SAP130: variants seen among roughly 807,000 people sequenced by gnomAD.
SAP130 encodes Sin3A associated protein 130, also known as histone deacetylase complex subunit SAP130.
Under a neutral mutation model 103.2 loss-of-function variants are expected in SAP130, and 16 were observed. The observed-to-expected ratio is 0.16, with a 90% CI of 0.10 to 0.24. SAP130 has a LOEUF of 0.24. Among genes scored for constraint, SAP130 ranks in the 10% least tolerant of loss-of-function variants. The pLI is 1.00. For missense variants in SAP130, 990 were observed against 1,359.7 expected, an observed-to-expected ratio of 0.73 and a Z score of 4.28; for synonymous variants, 477 against 497.0, an observed-to-expected ratio of 0.96 and a Z score of 0.53.
At chr2:128,014,998 G>C (rs928860263) in intron 4 of SAP130, 84 bp from the exon 5 acceptor site, 26 of 1,112,930 alleles carry the variant, frequency 2.3e-5, no homozygotes, top group Middle Eastern at 2.0e-4. Flanking sequence ...CCAAATGTGG[G>C]TCAGGTTGTT....
At chr2:128,019,277 T>A (rs1002371723) in intron 2 of SAP130, among the ~76,000 whole-genome samples, 14 of 150,838 alleles carry the variant, frequency 9.3e-5, no homozygotes, top group Admixed American at 4.6e-4. Context: ...TTAAAAAAAA[T>A]TTTTTTTTTG....
Position 127,996,998 on chromosome 2 carries a change from T to A in SAP130, c.1214-507A>T, listed in dbSNP as rs894629745. ...AAAAAACCTTGGATTCTACTCCAGG[T>A]CCATAATTATAAAATGTAGCTAATT... On this transcript the variant is annotated intron_variant, in intron 10 of 20. Coordinates refer to ENST00000643581, the MANE Select transcript of SAP130 (RefSeq NM_001330301.2). This position sits in a 1 kb window ranked among gnomAD's most constrained non-coding sequence, Gnocchi z 4.3. Among the ~76,000 whole-genome samples, 3 of 152,174 alleles carry A rather than the reference T, an allele frequency of 2.0e-5. No individual in the cohort carries two copies. Among genetic ancestry groups the A allele is most frequent in the African/African-American group, 7.2e-5 (3 of 41,442 alleles).
At chr2:127,965,608 G>A (rs1296800888) in intron 15 of SAP130, among the ~76,000 whole-genome samples, 4 of 152,024 alleles carry the variant, frequency 2.6e-5, no homozygotes, top group Non-Finnish European at 5.9e-5. Flanking sequence ...TAACCAATAT[G>A]GGAAAACCCT....
At position 128,011,049 on chromosome 2, in the gene SAP130, T is replaced by C. The variant is rs149988404; in HGVS notation, c.745-656A>G. On this transcript the variant is annotated intron_variant, in intron 6 of 20. Transcript: ENST00000643581. ...AATTCTGCCCTACTATTGGTACCAA[T>C]GGGATCTCACCCTTCAATCTAGAGT... is the stretch of plus-strand genomic sequence containing the variant. 2.0e-5 allele frequency among the ~76,000 whole-genome samples: 3 copies of C among 152,070 alleles called. No homozygotes were observed. The South Asian group carries it at 6.2e-4, about 32-fold the overall frequency.
rs547360836 is a variant in SAP130 at position 128,016,326 on chromosome 2, T to A, written c.507+63A>T. The A allele has an allele frequency of 1.2e-5, 18 of 1,530,302 alleles. No individual in the cohort carries two copies. The East Asian group carries it at 4.1e-4, about 35-fold the overall frequency. The allele number at this position is 1,530,302 out of a possible 1,614,324, so 94.8% of individuals were successfully genotyped here. A position where few individuals can be genotyped will look rare whatever the true frequency, so the allele number is the denominator to read the frequency against. ...TGACTAATGTACTGCTAGCATTCAA[T>A]AAATCATGATCAACAGTTTGGCATT... On this transcript the variant is annotated intron_variant, in intron 4 of 20. Transcript: ENST00000643581.
intron 14 of SAP130, among the ~76,000 whole-genome samples, chr2:127,978,778 A>T (rs1228033630): frequency 1.3e-5 from 2 of 152,224 alleles, no homozygotes; most frequent in Non-Finnish European, 2.9e-5. Flanking sequence ...ACCAGACATC[A>T]TGTGTCTTCT....
rs186577714 is a variant in SAP130, at chr2:127,963,207, T to A, written c.2064-7863A>T. Among the ~76,000 whole-genome samples, 430 of 152,314 alleles carry A rather than the reference T, an allele frequency of 2.8e-3. 2 individuals carry two copies. The highest frequency in any genetic ancestry group is 4.6e-3 in the Admixed American group (71 of 15,298). ...TTCTTGACAAAAGTAGTTTGTTTTTTAAATAATTTTTACTGAGTCAAATTT... is the reference window on the plus strand; with the variant it reads ...TTCTTGACAAAAGTAGTTTGTTTTTAAAATAATTTTTACTGAGTCAAATTT... On this transcript the variant is annotated intron_variant, in intron 15 of 20. Transcript: ENST00000643581.
intron 12 of SAP130, among the ~76,000 whole-genome samples, chr2:127,992,062 C>T (rs1334445696): frequency 6.6e-6 from 1 of 152,112 alleles, no homozygotes; most frequent in African/African-American, 2.4e-5. Flanking sequence ...GCTTCAACCT[C>T]CTAGGCTCAG....
rs114597894 is a variant in SAP130 at position 127,978,769 on chromosome 2, C to T, written c.1959-680G>A. On this transcript the variant is annotated intron_variant, in intron 14 of 20. Coordinates refer to ENST00000643581, the MANE Select transcript of SAP130 (RefSeq NM_001330301.2). ...ACTAACATCTCAAAAAGGGTGAGCA[C>T]CAGACATCATGTGTCTTCTGGTAAG... Among the ~76,000 whole-genome samples, 741 of 152,200 alleles carry T rather than the reference C, an allele frequency of 4.9e-3. 7 individuals carry two copies. The highest frequency in any genetic ancestry group is 0.016 in the African/African-American group (657 of 41,520).
chr2:128,008,527 CCTTT>C (rs1319981376), intron 7 of SAP130, among the ~76,000 whole-genome samples: 1 of 137,156 alleles, frequency 7.3e-6, no homozygotes, highest in Non-Finnish European at 1.5e-5. Context: ...ACCACGCTTA[CCTTT>C]TTTTTTTTTT....
In SAP130 at chr2:127,953,873, C is replaced by CAT. The variant is rs534134526; in HGVS notation, c.2422+1111_2422+1112dup. Among the ~76,000 whole-genome samples the CAT allele has an allele frequency of 6.6e-6, 1 of 151,666 alleles. No homozygotes were observed. Among genetic ancestry groups the CAT allele is most frequent in the Admixed American group, 6.6e-5 (1 of 15,256 alleles). ...TTCTCCATAGAACTTATCACCCAAA[C>CAT]ATATATATACATACATACATACATA... On this transcript the variant is annotated intron_variant, in intron 16 of 20. Coordinates refer to ENST00000643581, the MANE Select transcript of SAP130 (RefSeq NM_001330301.2). The surrounding 1 kb of genome is among the most constrained non-coding windows in gnomAD (Gnocchi z 4.0).
At position 127,955,142 on chromosome 2, in the gene SAP130, C is replaced by T; in HGVS notation, c.2266G>A (p.Ala756Thr). ...GTGATGGGTGGAGTGATGGGGACCG[C>T]TCCAGGAATGGTTGAAAGGGCAACG... ...PAVALSTIPG[A>T]VPITPPITTI... Residue 756 changes from alanine to threonine, a missense_variant, in exon 16 of 21, where the codon GCG becomes ACG. This residue lies in a region of SAP130 where 349 missense variants were observed against 384.1 expected (regional missense o/e 0.91). Coordinates refer to ENST00000643581, the MANE Select transcript of SAP130 (RefSeq NM_001330301.2). This position sits in a 1 kb window ranked among gnomAD's most constrained non-coding sequence, Gnocchi z 4.9. The T allele has an allele frequency of 6.2e-7, 1 of 1,614,134 alleles. No individual in the cohort carries two copies. Among genetic ancestry groups the T allele is most frequent in the Non-Finnish European group, 8.5e-7 (1 of 1,180,020 alleles).
intron 15 of SAP130, among the ~76,000 whole-genome samples, chr2:127,974,380 G>C (rs1490303037): frequency 3.3e-5 from 5 of 152,130 alleles, no homozygotes; most frequent in African/African-American, 9.7e-5. Flanking sequence ...CTTCCTTGCT[G>C]GTCCTGTGAT....
rs375897627 is a variant in SAP130 at position 127,945,576 on chromosome 2, T to A, written c.2798-17A>T. The A allele has an allele frequency of 3.6e-6, 5 of 1,406,798 alleles. No individual in the cohort carries two copies. The highest frequency in any genetic ancestry group is 2.8e-5 in the African/African-American group (2 of 70,972). 87.1% of individuals were successfully genotyped at this position (1,406,798 alleles called of 1,614,324 possible). ...TCTTCTCCTCTGGAACCATAAAAAA[T>A]AAAAATACATGTATTTCAGTGTTTA... is the stretch of plus-strand genomic sequence containing the variant. On this transcript the variant is annotated splice_polypyrimidine_tract_variant and intron_variant, in intron 18 of 20. Coordinates refer to ENST00000643581, the MANE Select transcript of SAP130 (RefSeq NM_001330301.2).
chr2:128,016,772 C>T (rs972989636), intron 3 of SAP130, among the ~76,000 whole-genome samples: 2 of 152,172 alleles, frequency 1.3e-5, no homozygotes, highest in African/African-American at 4.8e-5. Flanking sequence ...TTGCTCAAAG[C>T]CACACACACA....
chr2:127,945,627 C>A (rs2104692257), intron 18 of SAP130, 68 bp from the exon 19 acceptor site: 1 of 939,130 alleles, frequency 1.1e-6, no homozygotes, highest in Non-Finnish European at 1.7e-6. Context: ...TGTGTTCGAG[C>A]AGTGTAAATG....
rs139785439 is a variant in SAP130 at position 128,000,402 on chromosome 2, G to A, written c.922C>T (p.Arg308Cys). ...GTGACATCTCGTGACTGGGCAGGAC[G>A]CTGAATACTGATTGCTGCAGATGGA... ...HPPSAAISIQ[R>C]PAQSRDVTTR... The change falls in exon 8 of 21, where the codon CGT (arginine) becomes TGT (cysteine). Residue 308 changes from arginine to cysteine, a missense_variant. Arg to Cys is a radical substitution (Grantham distance 180). This residue lies in a region of SAP130 where 336 missense variants were observed against 520.1 expected (regional missense o/e 0.65). Coordinates refer to ENST00000643581, the MANE Select transcript of SAP130 (RefSeq NM_001330301.2). 12 of 1,614,004 alleles carry A rather than the reference G, an allele frequency of 7.4e-6. No individual in the cohort carries two copies. Among genetic ancestry groups the A allele is most frequent in the Admixed American group, 3.3e-5 (2 of 59,988 alleles).
chr2:128,017,820 C>T lies in SAP130; in HGVS notation c.208G>A (p.Val70Ile). 2 of 1,614,254 alleles carry T rather than the reference C, an allele frequency of 1.2e-6. No homozygotes were observed. Among genetic ancestry groups the T allele is most frequent in the African/African-American group, 2.7e-5 (2 of 75,068 alleles). The stretch of plus-strand genomic sequence containing the variant: ...ACCTGTGGATAGGGCCTTACCACAA[C>T]AGGCTCTTGCTTCTCCTCCCGGGAC... ...LQSREEKQEP[V>I]VVRPYPQVQM... Residue 70 changes from valine (V) to isoleucine (I), a missense_variant, in exon 3 of 21, where the codon GTT becomes ATT. By Grantham distance (29) the Val-to-Ile change is conservative. Around this residue, in one of 6 missense-constraint regions of SAP130, gnomAD observed 167 missense variants for 187.4 expected, o/e 0.89. Transcript: ENST00000643581.
At chr2:127,961,512 CCTTG>C (rs1358022805) in intron 15 of SAP130, among the ~76,000 whole-genome samples, 1 of 84,998 alleles carries the variant, frequency 1.2e-5, no homozygotes, top group Non-Finnish European at 2.5e-5. Flanking sequence ...ATACCTCATA[CCTTG>C]CTTTTTTTTT....
Sources: allele counts gnomAD v4.1 joint callset (sites outside exome capture counted in the v4.1 genomes callset), GRCh38; gene constraint gnomAD v4.1.1; regional missense constraint gnomAD v4.1.1; non-coding constraint Gnocchi (gnomAD v3.1); transcripts MANE v1.5; gene names NCBI Gene and HGNC (gene_info 2026-07-23, HGNC 2026-07-21).